MOCS2: variants seen among roughly 807,000 people sequenced by gnomAD.
MOCS2 encodes molybdopterin synthase catalytic subunit.
A neutral mutation model predicts 21.9 loss-of-function variants in MOCS2; 13 were observed. That is an observed-to-expected ratio of 0.59 (90% CI 0.39 to 0.94). The LOEUF is 0.94. Among genes scored for constraint, MOCS2 ranks in the 40% least tolerant of loss-of-function variants. MOCS2 has a pLI of 0.00. For missense variants in MOCS2, 227 were observed against 218.3 expected, an observed-to-expected ratio of 1.04 and a Z score of -0.25; for synonymous variants, 92 against 80.8, an observed-to-expected ratio of 1.14 and a Z score of -0.74.
At chr5:53,100,788 A>G in intron 5 of MOCS2, 1 of 464,486 alleles carries the variant, frequency 2.2e-6, no homozygotes, top group Non-Finnish European at 3.9e-6. Context: ...ACCAAGGAAA[A>G]TCCTTTCATT....
intron 6 of MOCS2, 50 bp from the exon 7 acceptor site, chr5:53,098,717 C>T (rs781729620): frequency 2.2e-5 from 27 of 1,232,182 alleles, no homozygotes; most frequent in Middle Eastern, 1.9e-4. Context: ...TTCTACTATA[C>T]GAATATAAAA....
chr5:53,099,043 A>G (rs1477886648), intron 6 of MOCS2, among the ~76,000 whole-genome samples: 2 of 152,124 alleles, frequency 1.3e-5, no homozygotes, highest in African/African-American at 4.8e-5. Context: ...CCTTCCCTAT[A>G]TCACAGATGA....
In MOCS2 at chr5:53,098,619, A is replaced by G; in HGVS notation, c.550T>C (p.Trp184Arg). The change falls in exon 7 of 7, where the codon TGG becomes CGG. Residue 184 changes from tryptophan to arginine, a missense_variant. Coordinates refer to ENST00000396954, the MANE Select transcript of MOCS2 (RefSeq NM_004531.5). ...ATAAGTGATTAACTGTTGGATGCCC[A>G]AAAGCACTCTTTGTTTCCTTTCCAA... ...STWKGNKECF[W>R]ASNS is the part of the protein sequence containing the mutation. The G allele has an allele frequency of 6.2e-7, 1 of 1,613,738 alleles. No individual in the cohort carries two copies. Among genetic ancestry groups the G allele is most frequent in the Admixed American group, 1.7e-5 (1 of 60,002 alleles).
At chr5:53,107,306 A>G in intron 2 of MOCS2, 85 bp from the exon 3 acceptor site, 1 of 1,228,672 alleles carries the variant, frequency 8.1e-7, no homozygotes, top group East Asian at 2.6e-5. Flanking sequence ...TATTACATAG[A>G]TATAATTATA....
chr5:53,108,499 G>A, intron 2 of MOCS2, 23 bp downstream of exon 2: 2 of 1,601,990 alleles, frequency 1.2e-6, no homozygotes, highest in East Asian at 2.2e-5. Context: ...TTACTCATAT[G>A]CATTCTACAA....
intron 4 of MOCS2, 72 bp downstream of exon 4, chr5:53,102,025 C>A: frequency 6.6e-7 from 1 of 1,520,148 alleles, no homozygotes; most frequent in Non-Finnish European, 9.1e-7. Context: ...TCCGTTAACA[C>A]TGAACATGGA....
chr5:53,100,429 C>T lies in MOCS2; in HGVS notation c.483G>A (p.Lys161=), dbSNP rs1251079008. 4 of 1,613,670 alleles carry T rather than the reference C, an allele frequency of 2.5e-6. No individual in the cohort carries two copies. The highest frequency in any genetic ancestry group is 3.4e-6 in the Non-Finnish European group (4 of 1,179,834). Residue 161 remains lysine (K), a synonymous_variant, in exon 6 of 7, where the codon AAG becomes AAA. Coordinates refer to ENST00000396954, the MANE Select transcript of MOCS2 (RefSeq NM_004531.5). ...VSYAIDTLKA[K]VPIWKKEIYE... ...AACTTACCTTTTTCCATATGGGCAC[C>T]TTGGCTTTTAAAGTATCAATGGCAT...
intron 3 of MOCS2, among the ~76,000 whole-genome samples, chr5:53,104,715 GA>G (rs1044892104): frequency 2.6e-5 from 4 of 152,006 alleles, no homozygotes; most frequent in African/African-American, 7.2e-5. Context: ...GGAGGGTGGG[GA>G]AAAAATGGGT....
At chr5:53,106,857 T>G (rs774012165) in intron 3 of MOCS2, among the ~76,000 whole-genome samples, 8 of 152,136 alleles carry the variant, frequency 5.3e-5, no homozygotes, top group Non-Finnish European at 8.8e-5. Context: ...CATATCAAAC[T>G]GATATGTTTA....
intron 3 of MOCS2, 68 bp downstream of exon 3, chr5:53,107,009 C>A: frequency 3.8e-6 from 6 of 1,560,538 alleles, no homozygotes; most frequent in Non-Finnish European, 5.3e-6. Context: ...AACAGCAAAC[C>A]ACATACACTT....
chr5:53,107,620 T>C, intron 2 of MOCS2: 1 of 177,990 alleles, frequency 5.6e-6, no homozygotes, highest in South Asian at 1.3e-4. Flanking sequence ...CCTGTACACA[T>C]TATCCTACTC....
chr5:53,103,049 T>C (rs1740958577), intron 3 of MOCS2, among the ~76,000 whole-genome samples: 1 of 152,244 alleles, frequency 6.6e-6, no homozygotes, highest in African/African-American at 2.4e-5. Context: ...CTTAATGTTT[T>C]ATCTGACGGG....
rs774737022 is a variant in MOCS2 at position 53,101,411 on chromosome 5, C to T, written c.325G>A (p.Asp109Asn). ...TTGACTGGCCATTTCTGCCTAATGT[C>T]ACTACAAATCTTTCTGACTTCATTT... is the stretch of plus-strand genomic sequence containing the variant. ...AENEVRKICS[D>N]IRQKWPVKHI... is the part of the protein sequence containing the mutation. The change falls in exon 5 of 7, where the codon GAC becomes AAC. Residue 109 changes from aspartate to asparagine, a missense_variant. Asp to Asn is a conservative substitution (Grantham distance 23). Transcript: ENST00000396954. 1.2e-5 allele frequency: 19 copies of T among 1,613,792 alleles called. No homozygotes were observed. In the Admixed American group the frequency reaches 2.3e-4, roughly 20 times the overall value.
intron 4 of MOCS2, among the ~76,000 whole-genome samples, 172 bp from the exon 5 acceptor site, chr5:53,101,681 T>A (rs748780694): frequency 6.6e-6 from 1 of 152,154 alleles, no homozygotes; most frequent in Non-Finnish European, 1.5e-5. Context: ...AAAATTTGAT[T>A]AGGAAAATAA....
intron 5 of MOCS2, chr5:53,101,116 T>C (rs989353565): frequency 1.4e-5 from 8 of 572,402 alleles, no homozygotes; most frequent in Non-Finnish European, 2.5e-5. Flanking sequence ...TCATAGGGCC[T>C]GCAAGTCTTG....
At position 53,102,124 on chromosome 5, in the gene MOCS2, G is replaced by C; in HGVS notation, c.199C>G (p.Leu67Val). ...ACAAATAGGGATATTGCACCACAGA[G>C]CGGAGAAATCACCAACTGTGAGACT... is the stretch of plus-strand genomic sequence containing the variant. The part of the protein sequence containing the change: ...DEVSQLVISP[L>V]CGAISLFVGT... The change falls in exon 4 of 7, where the codon CTC (leucine) becomes GTC (valine). Residue 67 changes from leucine (L) to valine (V), a missense_variant. Leu to Val is a conservative substitution (Grantham distance 32). Coordinates refer to ENST00000396954, the MANE Select transcript of MOCS2 (RefSeq NM_004531.5). 1 of 1,613,704 alleles carries C rather than the reference G, an allele frequency of 6.2e-7. No homozygotes were observed. Among genetic ancestry groups the C allele is most frequent in the Non-Finnish European group, 8.5e-7 (1 of 1,179,782 alleles).
chr5:53,100,244 G>C (rs1740870219), intron 6 of MOCS2, among the ~76,000 whole-genome samples, 167 bp downstream of exon 6: 1 of 151,882 alleles, frequency 6.6e-6, no homozygotes, highest in African/African-American at 2.4e-5. Context: ...CATTCTTTGG[G>C]GCACATATTT....
intron 4 of MOCS2, 83 bp downstream of exon 4, chr5:53,102,014 C>T (rs1186448120): frequency 1.0e-5 from 15 of 1,446,146 alleles, no homozygotes; most frequent in Non-Finnish European, 1.3e-5. Context: ...TTTCAAACTC[C>T]TCCGTTAACA....
intron 2 of MOCS2, 120 bp downstream of exon 2, chr5:53,108,402 A>G (rs539553457): frequency 3.0e-6 from 3 of 989,302 alleles, no homozygotes; most frequent in Non-Finnish European, 4.5e-6. Flanking sequence ...AAAAAATACA[A>G]CTAACGATTC....
Sources: gnomAD v4.1 joint callset for allele counts (sites outside exome capture counted in the v4.1 genomes callset) on GRCh38, gnomAD v4.1.1 for gene constraint, MANE v1.5 for transcripts, NCBI Gene and HGNC (gene_info 2026-07-23, HGNC 2026-07-21) for gene names.